The following EXOC4 variants were observed in gnomAD, a reference collection of about 807,000 sequenced individuals.
EXOC4 encodes SEC8-like 1.
A neutral mutation model predicts 107.2 loss-of-function variants in EXOC4; 71 were observed. The ratio of observed to expected loss-of-function variants is 0.66; its 90% confidence interval spans 0.55 to 0.81. The LOEUF is 0.81. EXOC4 is among the 30% of genes least tolerant of loss of function. The probability of loss-of-function intolerance (pLI) is 0.00; values close to 1 mark genes in which losing one functional copy is unlikely to be tolerated. For missense variants in EXOC4, 1,108 were observed against 1,189.6 expected (o/e 0.93, Z 1.01); for synonymous variants, 456 against 441.2 (o/e 1.03, Z -0.42).
chr7:133,412,361 A>G (rs1404090020), intron 7 of EXOC4, among the ~76,000 whole-genome samples: 1 of 127,660 alleles, frequency 7.8e-6, no homozygotes, highest in African/African-American at 3.0e-5. Context: ...GTGGTGGGGC[A>G]TTGTGGGAGA....
At chr7:133,557,579 C>G (rs1322088595) in intron 9 of EXOC4, among the ~76,000 whole-genome samples, 1 of 152,164 alleles carries the variant, frequency 6.6e-6, no homozygotes, top group Non-Finnish European at 1.5e-5. Flanking sequence ...TGTCAGCATG[C>G]TGGAATCACA....
chr7:134,027,225 A>G (rs1180812876), intron 17 of EXOC4, among the ~76,000 whole-genome samples: 1 of 152,212 alleles, frequency 6.6e-6, no homozygotes, highest in African/African-American at 2.4e-5. Flanking sequence ...GAAGGTTTCC[A>G]TAAATGTAAA....
chr7:133,947,432 A>T (rs1353784788), intron 14 of EXOC4, among the ~76,000 whole-genome samples: 2 of 152,178 alleles, frequency 1.3e-5, no homozygotes, highest in Non-Finnish European at 1.5e-5. Flanking sequence ...GAGGTCATGG[A>T]AGTGTGTCTG....
At chr7:133,976,634 G>A (rs1793839212) in intron 14 of EXOC4, among the ~76,000 whole-genome samples, 1 of 152,134 alleles carries the variant, frequency 6.6e-6, no homozygotes, top group African/African-American at 2.4e-5. Flanking sequence ...AACTATCATA[G>A]GTGCCCAAGG....
At chr7:133,705,852 A>G (rs758163341) in intron 10 of EXOC4, among the ~76,000 whole-genome samples, 7 of 152,232 alleles carry the variant, frequency 4.6e-5, no homozygotes, top group Non-Finnish European at 8.8e-5. Context: ...GTGCAATTTA[A>G]AATGCATGAG....
At chr7:133,602,719 G>A (rs2150988331) in intron 9 of EXOC4, among the ~76,000 whole-genome samples, 1 of 152,298 alleles carries the variant, frequency 6.6e-6, no homozygotes, top group South Asian at 2.1e-4. Context: ...ACATGATATG[G>A]CAGGGCAAAG....
chr7:133,701,997 C>CTTTTTTTTTTTT (rs71162021), intron 10 of EXOC4, among the ~76,000 whole-genome samples: 20 of 66,592 alleles, frequency 3.0e-4, no homozygotes, highest in African/African-American at 6.5e-4. Flanking sequence ...TTCTTTCTTT[C>CTTTTTTTTTTTT]TTTTTTTTTT....
At chr7:133,831,006 C>T (rs1294932913) in intron 11 of EXOC4, among the ~76,000 whole-genome samples, 1 of 152,104 alleles carries the variant, frequency 6.6e-6, no homozygotes, top group Non-Finnish European at 1.5e-5. Flanking sequence ...GCTCTATCGC[C>T]CAGGCTGGAG....
chr7:133,844,170 G>T (rs1200250004), intron 11 of EXOC4, among the ~76,000 whole-genome samples: 2 of 151,948 alleles, frequency 1.3e-5, no homozygotes, highest in East Asian at 3.9e-4. Context: ...AATGATTCTG[G>T]CCTCACAGAA....
intron 10 of EXOC4, among the ~76,000 whole-genome samples, chr7:133,796,110 CT>C (rs1796808468): frequency 6.6e-6 from 1 of 152,060 alleles, no homozygotes. Context: ...TCTTAATTTC[CT>C]ATAGACATTC....
the EXOC4 span, among the ~76,000 whole-genome samples, chr7:134,084,709 T>TAA: frequency 5.6e-3 from 463 of 83,156 alleles, 2 homozygotes; most frequent in Middle Eastern, 0.027. Context: ...GGTGCAGCCG[T>TAA]AAAAAAAAAA....
intron 10 of EXOC4, among the ~76,000 whole-genome samples, chr7:133,667,995 C>T (rs1277949219): frequency 6.6e-6 from 1 of 152,150 alleles, no homozygotes; most frequent in African/African-American, 2.4e-5. Context: ...GCTGCCTATC[C>T]TAAGATTTAG....
intron 17 of EXOC4, among the ~76,000 whole-genome samples, chr7:134,029,449 A>T (rs1335587219): frequency 6.6e-6 from 1 of 152,190 alleles, no homozygotes; most frequent in Non-Finnish European, 1.5e-5. Flanking sequence ...GGGGAAGGGG[A>T]TGAGCACTAA....
intron 10 of EXOC4, among the ~76,000 whole-genome samples, chr7:133,735,665 C>T (rs1408387812): frequency 2.0e-5 from 3 of 151,968 alleles, no homozygotes; most frequent in African/African-American, 7.3e-5. Context: ...TTCTGAGGAA[C>T]GAGTTGTCTT....
chr7:133,318,173 C>T (rs753136521), intron 5 of EXOC4, among the ~76,000 whole-genome samples: 4 of 152,204 alleles, frequency 2.6e-5, no homozygotes, highest in Non-Finnish European at 4.4e-5. Context: ...CACTCATAGT[C>T]GTACCTGTAA....
At position 133,292,530 on chromosome 7, in the gene EXOC4, T is replaced by G. The variant is rs569576315; in HGVS notation, c.471+3414T>G. ...TACTGGTTGCTGGTGCATAAGGATG[T>G]GATGTATTTTTCTTTTTTAATTGAC... On this transcript the variant is annotated intron_variant, in intron 3 of 17. Transcript: ENST00000253861. Among the ~76,000 whole-genome samples, 30 of 152,282 alleles carry G rather than the reference T, an allele frequency of 2.0e-4. No homozygotes were observed. In the South Asian group the frequency reaches 6.2e-3, roughly 32 times the overall value.
intron 9 of EXOC4, among the ~76,000 whole-genome samples, chr7:133,527,619 A>G (rs1800104991): frequency 6.6e-6 from 1 of 152,170 alleles, no homozygotes; most frequent in Non-Finnish European, 1.5e-5. Flanking sequence ...AAAACTAGTT[A>G]GAATAAATTT....
At chr7:133,480,720 G>A (rs1268007421) in intron 9 of EXOC4, 1 of 152,098 alleles carries the variant, frequency 6.6e-6, no homozygotes, top group Non-Finnish European at 1.5e-5. Context: ...ATTTCCTTCT[G>A]TGACAAAAAG....
At chr7:133,982,270 G>T (rs184329741) in intron 14 of EXOC4, among the ~76,000 whole-genome samples, 8 of 152,252 alleles carry the variant, frequency 5.3e-5, no homozygotes, top group Admixed American at 3.3e-4. Flanking sequence ...AAAAAGATAC[G>T]GGCCGGGTGT....
Sources: allele counts gnomAD v4.1 joint callset (sites outside exome capture counted in the v4.1 genomes callset), GRCh38; gene constraint gnomAD v4.1.1; transcripts MANE v1.5; gene names NCBI Gene and HGNC (gene_info 2026-07-23, HGNC 2026-07-21).